The following MEGF11 variants were observed in gnomAD, a reference collection of about 807,000 sequenced individuals.
The protein encoded by MEGF11 is multiple EGF like domains 11, also known as multiple epidermal growth factor-like domains protein 11.
A neutral mutation model predicts 146.6 loss-of-function variants in MEGF11; 126 were observed. The ratio of observed to expected loss-of-function variants is 0.86; its 90% CI spans 0.74 to 1.00. The LOEUF (loss-of-function observed/expected upper bound fraction) is 1.00. Among genes scored for constraint, MEGF11 ranks in the 50% least tolerant of loss-of-function variants. The probability of loss-of-function intolerance (pLI) is 0.00; values close to 1 mark genes in which losing one functional copy is unlikely to be tolerated. For missense variants in MEGF11, 1,509 were observed against 1,521.2 expected (o/e 0.99, Z 0.13); for synonymous variants, 532 against 583.4 (o/e 0.91, Z 1.27).
At chr15:65,925,219 A>T (rs544207590) in intron 13 of MEGF11, among the ~76,000 whole-genome samples, 1 of 152,372 alleles carries the variant, frequency 6.6e-6, no homozygotes, top group South Asian at 2.1e-4. Context: ...GGCTATTAAA[A>T]GTATAGCTAC....
intron 5 of MEGF11, among the ~76,000 whole-genome samples, chr15:66,036,954 G>A (rs1279788387): frequency 6.6e-6 from 1 of 152,146 alleles, no homozygotes; most frequent in Non-Finnish European, 1.5e-5. Flanking sequence ...AGGCCTCAGG[G>A]ACTCTTGCAG....
At chr15:65,934,397 T>A (rs1293456024) in intron 10 of MEGF11, among the ~76,000 whole-genome samples, 1 of 152,186 alleles carries the variant, frequency 6.6e-6, no homozygotes, top group African/African-American at 2.4e-5. Flanking sequence ...ATTACAGGCA[T>A]GTGCCACCAC....
chr15:66,240,101 C>A (rs894615993), intron 1 of MEGF11, among the ~76,000 whole-genome samples: 3 of 152,200 alleles, frequency 2.0e-5, no homozygotes, highest in Non-Finnish European at 2.9e-5. Context: ...CCACCCCAGC[C>A]CCCCAATAAA....
intron 1 of MEGF11, among the ~76,000 whole-genome samples, chr15:66,192,685 C>CA (rs1172554604): frequency 1.3e-5 from 2 of 152,056 alleles, no homozygotes; most frequent in Non-Finnish European, 2.9e-5. Flanking sequence ...CCACTATATA[C>CA]AATACTAGGC....
chr15:65,957,502 C>T (rs754872567), intron 10 of MEGF11, 45 bp downstream of exon 10: 5 of 1,577,840 alleles, frequency 3.2e-6, no homozygotes, highest in Non-Finnish European at 4.3e-6. Context: ...GGGGAACTGG[C>T]CCGGTGGAGG....
At chr15:66,040,708 G>T (rs1207838208) in intron 5 of MEGF11, among the ~76,000 whole-genome samples, 1 of 152,136 alleles carries the variant, frequency 6.6e-6, no homozygotes, top group Non-Finnish European at 1.5e-5. Context: ...TCCCTCATCT[G>T]GCTGTCGGAG....
chr15:66,173,398 T>C (rs11071862), intron 1 of MEGF11, among the ~76,000 whole-genome samples: 151,896 of 152,206 alleles, frequency 1, 75,794 homozygotes, highest in Middle Eastern at 1. Flanking sequence ...TCGCTGCAAC[T>C]TCCTCCTCCC....
At chr15:65,986,207 C>T (rs2081852048) in intron 5 of MEGF11, among the ~76,000 whole-genome samples, 1 of 152,050 alleles carries the variant, frequency 6.6e-6, no homozygotes, top group African/African-American at 2.4e-5. Flanking sequence ...CCTGCCTCAG[C>T]CTCCCAAAGT....
chr15:65,925,867 G>C (rs915608378), intron 13 of MEGF11, among the ~76,000 whole-genome samples: 1 of 152,152 alleles, frequency 6.6e-6, no homozygotes, highest in African/African-American at 2.4e-5. Flanking sequence ...TCTGCCCAGG[G>C]AGACAAGCAT....
intron 1 of MEGF11, among the ~76,000 whole-genome samples, chr15:66,228,626 G>A (rs1013898053): frequency 1.3e-5 from 2 of 152,102 alleles, no homozygotes; most frequent in Admixed American, 1.3e-4. Flanking sequence ...ATCCCCACAC[G>A]ACAGAACCAT....
In MEGF11 at chr15:65,982,204, C is replaced by T. The variant is rs2081666097; in HGVS notation, c.641+38G>A. Reference sequence around the variant, plus strand: ...CAGGCACCCTCCAGGTCCCGCCCCTCCAGGTCCCGCCCCTCCAGGTCCTGC... The same window carrying T: ...CAGGCACCCTCCAGGTCCCGCCCCTTCAGGTCCCGCCCCTCCAGGTCCTGC... On this transcript the variant is annotated intron_variant, in intron 6 of 25. Transcript: ENST00000395614. The surrounding 1 kb of genome is among the most constrained non-coding windows in gnomAD (Gnocchi z 5.6). 6.5e-7 allele frequency: 1 copy of T among 1,531,198 alleles called. No individual in the cohort carries two copies. The highest frequency in any genetic ancestry group is 2.2e-4 in the Middle Eastern group (1 of 4,616). 94.9% of individuals were successfully genotyped at this position (1,531,198 alleles called of 1,614,324 possible). A position where few individuals can be genotyped will look rare whatever the true frequency, so the allele number is the denominator to read the frequency against.
chr15:66,102,776 T>C (rs1201886184), intron 4 of MEGF11, among the ~76,000 whole-genome samples: 1 of 152,180 alleles, frequency 6.6e-6, no homozygotes, highest in Non-Finnish European at 1.5e-5. Flanking sequence ...GGGAGGGGTC[T>C]TGTCCACCTC....
chr15:65,951,324 T>C (rs536579978), intron 10 of MEGF11, among the ~76,000 whole-genome samples: 9 of 152,304 alleles, frequency 5.9e-5, no homozygotes, highest in Non-Finnish European at 1.2e-4. Context: ...AAAGAACATA[T>C]AGTAGTGCCC....
intron 1 of MEGF11, among the ~76,000 whole-genome samples, chr15:66,196,721 T>A (rs2091018473): frequency 6.6e-6 from 1 of 152,250 alleles, no homozygotes; most frequent in South Asian, 2.1e-4. Flanking sequence ...CCAGAAACTA[T>A]TGCCTGTGGC....
rs1190124722 is a variant in MEGF11 at position 65,917,988 on chromosome 15, C to T, written c.2064G>A (p.Trp688Ter). ...TACCCTGTGAGCAGTCCTTGCCAATCCATCCAGGAAAGCACTGGCAGGAGC... is the reference window on the plus strand; with the variant it reads ...TACCCTGTGAGCAGTCCTTGCCAATTCATCCAGGAAAGCACTGGCAGGAGC... ...IDGSCQCFPG[W>*]IGKDCSQACP... is the part of the protein sequence containing the mutation. Residue 688 changes from tryptophan (W) to a stop codon, truncating the protein, a stop_gained, in exon 16 of 26, where the codon TGG becomes TGA. Coordinates refer to ENST00000395614, the MANE Select transcript of MEGF11 (RefSeq NM_001385028.1). LOFTEE classifies it high-confidence loss of function. 6.2e-7 allele frequency: 1 copy of T among 1,614,056 alleles called. No individual in the cohort carries two copies. Among genetic ancestry groups the T allele is most frequent in the Non-Finnish European group, 8.5e-7 (1 of 1,179,900 alleles).
At chr15:66,238,466 G>A (rs1252138959) in intron 1 of MEGF11, among the ~76,000 whole-genome samples, 1 of 152,214 alleles carries the variant, frequency 6.6e-6, no homozygotes, top group Non-Finnish European at 1.5e-5. Flanking sequence ...GCACTCTTGG[G>A]GAGATGAAGG....
intron 5 of MEGF11, among the ~76,000 whole-genome samples, chr15:66,027,749 T>G (rs1006997421): frequency 6.6e-6 from 1 of 152,210 alleles, no homozygotes; most frequent in African/African-American, 2.4e-5. Flanking sequence ...TGATCAGGGC[T>G]GAGAGTCACT....
chr15:66,253,159 G>C (rs2092399751), intron 1 of MEGF11, among the ~76,000 whole-genome samples: 1 of 152,212 alleles, frequency 6.6e-6, no homozygotes, highest in South Asian at 2.1e-4. Flanking sequence ...GACCCCGGCG[G>C]GGAAGGCGCC....
chr15:66,160,242 C>CCTCTCTCTCTCT (rs143653192), intron 1 of MEGF11, among the ~76,000 whole-genome samples: 1,904 of 133,384 alleles, frequency 0.014, 59 homozygotes, highest in East Asian at 0.063. Context: ...AAGGAAAAGC[C>CCTCTCTCTCTCT]CTCTCTCTCT....
Sources: gnomAD v4.1 joint callset for allele counts (sites outside exome capture counted in the v4.1 genomes callset) on GRCh38, gnomAD v4.1.1 for gene constraint, Gnocchi (gnomAD v3.1) non-coding constraint, MANE v1.5 for transcripts, NCBI Gene and HGNC (gene_info 2026-07-23, HGNC 2026-07-21) for gene names.